Variants in SIPA1L3 observed in about 807,000 individuals in gnomAD.
The protein encoded by SIPA1L3 is signal-induced proliferation-associated 1-like protein 3.
Under a neutral mutation model 150.1 loss-of-function variants are expected in SIPA1L3, and 59 were observed. That is an observed-to-expected ratio of 0.39 (90% confidence interval 0.32 to 0.49). The LOEUF (loss-of-function observed/expected upper bound fraction) is 0.49, where lower values mean the gene tolerates loss of function less well. Ranked by LOEUF, SIPA1L3 falls within the 20% of genes least tolerant of loss-of-function variation. The pLI is 0.86. For synonymous variants in SIPA1L3, 1,070 were observed against 1,077.6 expected (o/e 0.99, Z 0.14); for missense variants, 2,211 against 2,489.5 (o/e 0.89, Z 2.38).
chr19:38,096,715 G>A (rs1970388081), intron 4 of SIPA1L3, among the ~76,000 whole-genome samples: 1 of 152,210 alleles, frequency 6.6e-6, no homozygotes, highest in Non-Finnish European at 1.5e-5. Context: ...GCTGGTATTA[G>A]TGAGGATGTG....
intron 3 of SIPA1L3, among the ~76,000 whole-genome samples, chr19:38,084,169 C>G (rs1970071465): frequency 6.6e-6 from 1 of 152,056 alleles, no homozygotes; most frequent in South Asian, 2.1e-4. Flanking sequence ...CCCACTGCTC[C>G]ACACCAAGAT....
At chr19:38,063,876 G>A (rs1244560409) in intron 2 of SIPA1L3, among the ~76,000 whole-genome samples, 1 of 152,236 alleles carries the variant, frequency 6.6e-6, no homozygotes, top group African/African-American at 2.4e-5. Context: ...CAGGGCCTGC[G>A]GCTTGATCAT....
rs73628629 is a variant in SIPA1L3 at position 38,043,594 on chromosome 19, C to T, written c.-311+14438C>T. 7.5e-3 allele frequency among the ~76,000 whole-genome samples: 1,136 copies of T among 152,286 alleles called. 14 individuals carry two copies. Among genetic ancestry groups the T allele is most frequent in the African/African-American group, 0.025 (1,044 of 41,552 alleles). On this transcript the variant is annotated intron_variant, in intron 2 of 21. Coordinates refer to ENST00000222345, the MANE Select transcript of SIPA1L3 (RefSeq NM_015073.3). Reference sequence around the variant, plus strand: ...CCAAGAGGTTTAGGAAGGGATCATGCCACCGTATATATGAAGAAAGCACTT... The same window carrying T: ...CCAAGAGGTTTAGGAAGGGATCATGTCACCGTATATATGAAGAAAGCACTT...
At chr19:38,045,918 A>C (rs931533367) in intron 2 of SIPA1L3, among the ~76,000 whole-genome samples, 2 of 152,098 alleles carry the variant, frequency 1.3e-5, no homozygotes, top group African/African-American at 4.8e-5. Flanking sequence ...AGCCCCTGGG[A>C]GCCACAGAAG....
intron 1 of SIPA1L3, among the ~76,000 whole-genome samples, chr19:37,928,264 T>C (rs2046524091): frequency 6.6e-6 from 1 of 152,154 alleles, no homozygotes; most frequent in Admixed American, 6.6e-5. Context: ...TGTGTGCTAC[T>C]GCAGTGGTTT....
In SIPA1L3 at chr19:38,119,856, A is replaced by T. The variant is rs201398908; in HGVS notation, c.2842A>T (p.Ile948Leu). 3 of 1,611,414 alleles carry T rather than the reference A, an allele frequency of 1.9e-6. No individual in the cohort carries two copies. The East Asian group carries it at 6.7e-5, about 36-fold the overall frequency. ...GGCGACAGAGGGTTCTGTGGAGGAC[A>T]TAAGGGAGATAGTGCAGAGACTGAA... is the stretch of plus-strand genomic sequence containing the variant. ...LQATEGSVED[I>L]REIVQRLKVM... Residue 948 changes from isoleucine to leucine, a missense_variant, in exon 9 of 22, where the codon ATA becomes TTA. Physicochemically the swap from Ile to Leu is conservative, Grantham distance 5 (BLOSUM62 2). This residue lies in a region of SIPA1L3 where 625 missense variants were observed against 804.2 expected (regional missense o/e 0.78). Coordinates refer to ENST00000222345, the MANE Select transcript of SIPA1L3 (RefSeq NM_015073.3).
intron 1 of SIPA1L3, among the ~76,000 whole-genome samples, chr19:37,981,004 G>C (rs1353776859): frequency 6.6e-6 from 1 of 152,326 alleles, no homozygotes; most frequent in Middle Eastern, 3.4e-3. Flanking sequence ...TACAGGCTTT[G>C]TTTGGAGGGT....
At chr19:37,990,695 C>T (rs758134585) in intron 1 of SIPA1L3, among the ~76,000 whole-genome samples, 5 of 152,216 alleles carry the variant, frequency 3.3e-5, no homozygotes, top group Non-Finnish European at 5.9e-5. Flanking sequence ...TGACTTGTAG[C>T]TGGCAAGTGC....
intron 1 of SIPA1L3, among the ~76,000 whole-genome samples, chr19:38,008,991 CCTT>C (rs899263277): frequency 5.9e-5 from 9 of 152,106 alleles, no homozygotes; most frequent in Admixed American, 5.9e-4. Context: ...GTCCATCTCT[CCTT>C]CTTGCTTGAG....
chr19:38,142,249 AAC>A (rs1971603396), intron 11 of SIPA1L3, among the ~76,000 whole-genome samples: 6 of 152,216 alleles, frequency 3.9e-5, no homozygotes, highest in African/African-American at 1.2e-4. Flanking sequence ...GAAGGAATCC[AAC>A]TTGCAGAGGG....
intron 10 of SIPA1L3, among the ~76,000 whole-genome samples, chr19:38,138,669 G>A (rs141914676): frequency 0.045 from 1,764 of 39,072 alleles, 33 homozygotes; most frequent in African/African-American, 0.25. Flanking sequence ...AGGCCAAGGT[G>A]GGCGGATCAC....
At chr19:38,153,055 C>A in intron 13 of SIPA1L3, 88 bp downstream of exon 13, 1 of 1,470,792 alleles carries the variant, frequency 6.8e-7, no homozygotes, top group Non-Finnish European at 9.1e-7. Flanking sequence ...CACTCCCCCT[C>A]TTGTGAGTGA....
chr19:38,033,639 T>C (rs2145725375), intron 2 of SIPA1L3, among the ~76,000 whole-genome samples: 1 of 151,858 alleles, frequency 6.6e-6, no homozygotes, highest in South Asian at 2.1e-4. Flanking sequence ...GCTACTGTAC[T>C]CCAGCCCCGG....
chr19:38,087,244 A>G (rs143177851), intron 3 of SIPA1L3, among the ~76,000 whole-genome samples: 149 of 152,348 alleles, frequency 9.8e-4, no homozygotes, highest in Middle Eastern at 6.8e-3. Context: ...GGAGCTAGAT[A>G]TGCATTGATG....
chr19:38,004,182 C>T (rs571908795), intron 1 of SIPA1L3, among the ~76,000 whole-genome samples: 1 of 152,218 alleles, frequency 6.6e-6, no homozygotes, highest in South Asian at 2.1e-4. Flanking sequence ...TATAATTATC[C>T]CCATTCTAGA....
At chr19:37,982,502 G>T (rs541542049) in intron 1 of SIPA1L3, among the ~76,000 whole-genome samples, 4 of 152,178 alleles carry the variant, frequency 2.6e-5, no homozygotes, top group Non-Finnish European at 5.9e-5. Context: ...TGTAATCCTC[G>T]CAGTAGCCCT....
intron 10 of SIPA1L3, among the ~76,000 whole-genome samples, chr19:38,138,766 C>T (rs113488064): frequency 6.6e-6 from 1 of 151,892 alleles, no homozygotes; most frequent in African/African-American, 2.4e-5. Flanking sequence ...GGCATGGTGG[C>T]ACATGCCTGT....
intron 1 of SIPA1L3, among the ~76,000 whole-genome samples, chr19:37,929,847 C>CTATG (rs1421172049): frequency 6.6e-6 from 1 of 151,884 alleles, no homozygotes; most frequent in Admixed American, 6.6e-5. Context: ...ATGTCTGTAT[C>CTATG]TATGTATGTA....
At chr19:38,191,426 A>C (rs1028359177) in intron 16 of SIPA1L3, among the ~76,000 whole-genome samples, 3 of 151,408 alleles carry the variant, frequency 2.0e-5, no homozygotes, top group South Asian at 2.1e-4. Context: ...AAAAGCAAAA[A>C]ACACACACAC....
Sources: allele counts gnomAD v4.1 joint callset (sites outside exome capture counted in the v4.1 genomes callset), GRCh38; gene constraint gnomAD v4.1.1; regional missense constraint gnomAD v4.1.1; transcripts MANE v1.5; gene names NCBI Gene and HGNC (gene_info 2026-07-23, HGNC 2026-07-21).